LAP3: variants seen among roughly 807,000 people sequenced by gnomAD.
LAP3 encodes the protein leucine aminopeptidase 3.
A neutral mutation model predicts 58.8 loss-of-function variants in LAP3; 46 were observed. The ratio of observed to expected loss-of-function variants is 0.78; its 90% confidence interval spans 0.62 to 1.00. The LOEUF (loss-of-function observed/expected upper bound fraction) is 1.00, where lower values mean the gene tolerates loss of function less well. LAP3 is among the 50% of genes least tolerant of loss of function. The pLI is 0.00. For missense variants in LAP3, 615 were observed against 659.1 expected (o/e 0.93, Z 0.73); for synonymous variants, 257 against 237.7 (o/e 1.08, Z -0.75).
rs757143142 is a variant in LAP3, at chr4:17,581,790, T to G, written c.249T>G (p.Thr83=). 91 of 1,613,852 alleles carry G rather than the reference T, an allele frequency of 5.6e-5. No homozygotes were observed. Among genetic ancestry groups the G allele is most frequent in the Non-Finnish European group, 7.6e-5 (90 of 1,179,874 alleles). The stretch of plus-strand genomic sequence containing the variant: ...GACCACCTCTGAAGGCAGGGAAGAC[T>G]CGAACCTTTTATGGTCTGCATCAGG... ...ISGPPLKAGK[T]RTFYGLHQDF... is the part of the protein sequence containing the mutation. The change falls in exon 3 of 13, where the codon ACT becomes ACG. Residue 83 remains threonine, a synonymous_variant. Coordinates refer to ENST00000226299, the MANE Select transcript of LAP3 (RefSeq NM_015907.3).
intron 10 of LAP3, among the ~76,000 whole-genome samples, chr4:17,599,815 C>T (rs1434454249): frequency 6.6e-6 from 1 of 151,898 alleles, no homozygotes; most frequent in Non-Finnish European, 1.5e-5. Flanking sequence ...AGTGTGAAGC[C>T]AGCGCTTTAA....
chr4:17,584,200 T>C (rs892441683), intron 5 of LAP3, among the ~76,000 whole-genome samples: 9 of 152,278 alleles, frequency 5.9e-5, no homozygotes, highest in African/African-American at 1.7e-4. Flanking sequence ...CCAGTCAGCA[T>C]GGGCTTAAGT....
At chr4:17,596,067 A>G (rs1264734808) in intron 8 of LAP3, among the ~76,000 whole-genome samples, 1 of 152,146 alleles carries the variant, frequency 6.6e-6, no homozygotes, top group Non-Finnish European at 1.5e-5. Context: ...CTTAGGTTAA[A>G]TAATAATGCC....
At chr4:17,607,252 A>T in intron 12 of LAP3, 148 bp from the exon 13 acceptor site, 1 of 635,024 alleles carries the variant, frequency 1.6e-6, no homozygotes, top group South Asian at 2.3e-5. Context: ...GAAAATAAAT[A>T]TTCTGAAACT....
At chr4:17,603,202 A>G (rs7672369) in intron 10 of LAP3, among the ~76,000 whole-genome samples, 95,552 of 151,314 alleles carry the variant, frequency 0.63, 30,604 homozygotes, top group East Asian at 0.89. Context: ...CCAGCTACTC[A>G]GGATGCTGCG....
chr4:17,605,512 A>G (rs1714103105), intron 11 of LAP3, among the ~76,000 whole-genome samples: 1 of 152,220 alleles, frequency 6.6e-6, no homozygotes, highest in African/African-American at 2.4e-5. Context: ...CATTCATTCA[A>G]CTAGTAATTA....
chr4:17,578,055 G>C (rs2315645), intron 1 of LAP3, among the ~76,000 whole-genome samples: 94,703 of 152,112 alleles, frequency 0.62, 30,114 homozygotes, highest in East Asian at 0.88. Flanking sequence ...AAGGGCTTTG[G>C]GGAGAGACCC....
chr4:17,598,469 A>T lies in LAP3; in HGVS notation c.1091A>T (p.Asp364Val). Residue 364 changes from aspartate (D) to valine (V), a missense_variant, in exon 10 of 13, where the codon GAT (aspartate) becomes GTT (valine). Coordinates refer to ENST00000226299, the MANE Select transcript of LAP3 (RefSeq NM_015907.3). ...GACCCTCTGCAGGTTGATAACACTG[A>T]TGCTGAGGGGAGGCTCATACTGGCT... ...NGKTIQVDNT[D>V]AEGRLILADA... The T allele has an allele frequency of 6.2e-7, 1 of 1,613,682 alleles. No individual in the cohort carries two copies. Among genetic ancestry groups the T allele is most frequent in the Non-Finnish European group, 8.5e-7 (1 of 1,179,618 alleles).
At chr4:17,586,965 G>C (rs562801271) in intron 6 of LAP3, among the ~76,000 whole-genome samples, 2 of 152,324 alleles carry the variant, frequency 1.3e-5, no homozygotes, top group African/African-American at 4.8e-5. Context: ...ACTTAGCTGG[G>C]AGTGGTGGTG....
Position 17,598,526 on chromosome 4 carries a change from C to T in LAP3, c.1148C>T (p.Pro383Leu). 4 of 1,614,044 alleles carry T rather than the reference C, an allele frequency of 2.5e-6. No individual in the cohort carries two copies. The highest frequency in any genetic ancestry group is 1.7e-6 in the Non-Finnish European group (2 of 1,179,932). The part of the protein sequence containing the change: ...DALCYAHTFN[P>L]KVILNAATLT... ...CTCTGTTACGCACACACGTTTAACC[C>T]GAAGGTCATCCTCAATGCCGCCACC... The change falls in exon 10 of 13, where the codon CCG becomes CTG. Residue 383 changes from proline (P) to leucine (L), a missense_variant. Physicochemically the swap from Pro to Leu is moderately conservative, Grantham distance 98. Coordinates refer to ENST00000226299, the MANE Select transcript of LAP3 (RefSeq NM_015907.3).
intron 1 of LAP3, 27 bp downstream of exon 1, chr4:17,577,594 C>T: frequency 6.6e-7 from 1 of 1,509,894 alleles, no homozygotes; most frequent in Middle Eastern, 2.2e-4. Context: ...CGCTCATGGT[C>T]CGCCGCTGGG....
At chr4:17,582,494 C>A in intron 4 of LAP3, 101 bp downstream of exon 4, 1 of 799,650 alleles carries the variant, frequency 1.3e-6, no homozygotes, top group Non-Finnish European at 2.1e-6. Flanking sequence ...CCCCTTACCA[C>A]GTTCACACAG....
rs58358985 is a variant in LAP3, at chr4:17,580,186, T to TATATGTA, written c.218+247_218+248insATATGTA. ...CTTTCATATATATATATATATGTAT[T>TATATGTA]TTTTTTTTTTTTCAGTAGAGTTGGG... On this transcript the variant is annotated intron_variant, in intron 2 of 12. Coordinates refer to ENST00000226299, the MANE Select transcript of LAP3 (RefSeq NM_015907.3). Among the ~76,000 whole-genome samples, 11 of 30,200 alleles carry TATATGTA rather than the reference T, an allele frequency of 3.6e-4. 1 individual carries two copies. Among genetic ancestry groups the TATATGTA allele is most frequent in the African/African-American group, 2.5e-3 (11 of 4,366 alleles). The allele number at this position is 30,200 out of a possible 152,430, so 19.8% of individuals were successfully genotyped here.
chr4:17,594,655 C>T (rs1414982823), intron 7 of LAP3, among the ~76,000 whole-genome samples: 1 of 152,182 alleles, frequency 6.6e-6, no homozygotes, highest in Non-Finnish European at 1.5e-5. Context: ...TTATTCAGTT[C>T]TCATGTTGAA....
intron 7 of LAP3, among the ~76,000 whole-genome samples, chr4:17,594,827 C>T (rs1244978360): frequency 6.6e-6 from 1 of 152,090 alleles, no homozygotes; most frequent in African/African-American, 2.4e-5. Context: ...ATCAGCTTTT[C>T]TTAACAGCTC....
intron 5 of LAP3, 22 bp from the exon 6 acceptor site, chr4:17,584,950 C>T (rs1226872587): frequency 6.2e-7 from 1 of 1,610,364 alleles, no homozygotes; most frequent in Middle Eastern, 1.8e-4. Flanking sequence ...GTTTGACAGT[C>T]ACTTTATCTT....
chr4:17,596,855 A>C (rs908049045), intron 8 of LAP3, among the ~76,000 whole-genome samples, 191 bp from the exon 9 acceptor site: 1 of 152,248 alleles, frequency 6.6e-6, no homozygotes, highest in Non-Finnish European at 1.5e-5. Flanking sequence ...GAAGAATGCT[A>C]CATGGGTGAT....
intron 11 of LAP3, 73 bp from the exon 12 acceptor site, chr4:17,606,756 T>G: frequency 1.1e-6 from 1 of 872,710 alleles, no homozygotes; most frequent in Non-Finnish European, 1.9e-6. Flanking sequence ...CTTCATGCAT[T>G]GAGCATGTTA....
chr4:17,582,194 TG>T (rs2109017958), intron 3 of LAP3, 93 bp from the exon 4 acceptor site: 1 of 962,558 alleles, frequency 1.0e-6, no homozygotes, highest in Non-Finnish European at 1.6e-6. Context: ...AGTAATTGTG[TG>T]GGAGCTCAGT....
Sources: gnomAD v4.1 joint callset for allele counts (sites outside exome capture counted in the v4.1 genomes callset) on GRCh38, gnomAD v4.1.1 for gene constraint, MANE v1.5 for transcripts, NCBI Gene and HGNC (gene_info 2026-07-23, HGNC 2026-07-21) for gene names.